The following LRCH1 variants were observed in gnomAD, a reference collection of about 807,000 sequenced individuals.
LRCH1 encodes the protein leucine-rich repeat and calponin homology domain-containing protein 1.
In LRCH1, 23 loss-of-function variants were observed where a neutral mutation model predicts 94.9. The observed-to-expected ratio is 0.24, with a 90% CI of 0.17 to 0.34. The LOEUF is 0.34. Ranked by LOEUF, LRCH1 falls within the 10% of genes least tolerant of loss-of-function variation. The pLI, the probability that LRCH1 is intolerant of heterozygous loss-of-function variation, is 1.00. For synonymous variants in LRCH1, 364 were observed against 354.9 expected (o/e 1.03, Z -0.29); for missense variants, 790 against 945.9 (o/e 0.84, Z 2.16).
Position 46,729,003 on chromosome 13 carries a change from AAACT to A in LRCH1, c.2007+24_2007+27del, listed in dbSNP as rs772748869. 6.2e-6 allele frequency: 10 copies of A among 1,607,836 alleles called. No homozygotes were observed. Among genetic ancestry groups the A allele is most frequent in the South Asian group, 3.3e-5 (3 of 89,878 alleles). ...AGCGGTTGTAAGTAACACCAAAGGG[AAACT>A]AACTGACATAAAACAGACCTTTAGG... is the stretch of plus-strand genomic sequence containing the variant. On this transcript the variant is annotated intron_variant, in intron 18 of 19. Coordinates refer to ENST00000389797, the MANE Select transcript of LRCH1 (RefSeq NM_001164211.2).
In LRCH1 at chr13:46,553,171, C is replaced by T; in HGVS notation, c.-226C>T. 1 of 568,860 alleles carries T rather than the reference C, an allele frequency of 1.8e-6. No homozygotes were observed. The highest frequency in any genetic ancestry group is 3.0e-6 in the Non-Finnish European group (1 of 328,288). The allele number at this position is 568,860 out of a possible 1,614,324, so 35.2% of individuals were successfully genotyped here. A position where few individuals can be genotyped will look rare whatever the true frequency, so the allele number is the denominator to read the frequency against. ...GCTGCCGCCGCCGCCGCCGCCGCCG[C>T]AGTCCTTAGCTTCCCGGGGACAGGA... is the stretch of plus-strand genomic sequence containing the variant. On this transcript the variant is annotated 5_prime_UTR_variant, in exon 1 of 20. Transcript: ENST00000389797.
At chr13:46,658,059 A>G (rs2051399237) in intron 2 of LRCH1, among the ~76,000 whole-genome samples, 1 of 152,194 alleles carries the variant, frequency 6.6e-6, no homozygotes, top group South Asian at 2.1e-4. Flanking sequence ...ATTGCATTTC[A>G]TGCCCCTTAA....
chr13:46,742,725 A>C lies in LRCH1; in HGVS notation c.*877A>C. 1 of 985,478 alleles carries C rather than the reference A, an allele frequency of 1.0e-6. No homozygotes were observed. The highest frequency in any genetic ancestry group is 1.2e-6 in the Non-Finnish European group (1 of 829,942). The allele number at this position is 985,478 out of a possible 1,614,324, so 61.0% of individuals were successfully genotyped here. A position where few individuals can be genotyped will look rare whatever the true frequency, so the allele number is the denominator to read the frequency against. On this transcript the variant is annotated 3_prime_UTR_variant, in exon 20 of 20. Transcript: ENST00000389797. The stretch of plus-strand genomic sequence containing the variant: ...CACATCACATAGTAACTGCCGGTCC[A>C]GAATGTGACGGATTCGACTCTATTC...
At chr13:46,670,526 T>C (rs2051584019) in intron 3 of LRCH1, among the ~76,000 whole-genome samples, 1 of 152,190 alleles carries the variant, frequency 6.6e-6, no homozygotes, top group Non-Finnish European at 1.5e-5. Flanking sequence ...TCTGGTCTGA[T>C]GTTCTCGCCG....
chr13:46,716,424 C>G (rs1872325367), intron 16 of LRCH1, among the ~76,000 whole-genome samples: 1 of 152,200 alleles, frequency 6.6e-6, no homozygotes, highest in Non-Finnish European at 1.5e-5. Context: ...TCATCCTAGT[C>G]TCTGAAATAT....
Position 46,598,406 on chromosome 13 carries a change from G to A in LRCH1, c.307+44703G>A, listed in dbSNP as rs965929946. ...GGAACTTGCTTGTCTCGGGGGAAAAGACGCTTGCAGATTTATAGAAATTTT... is the reference window on the plus strand; with the variant it reads ...GGAACTTGCTTGTCTCGGGGGAAAAAACGCTTGCAGATTTATAGAAATTTT... On this transcript the variant is annotated intron_variant, in intron 1 of 19. Transcript: ENST00000389797. 3.9e-5 allele frequency among the ~76,000 whole-genome samples: 6 copies of A among 152,050 alleles called. No individual in the cohort carries two copies. The South Asian group carries it at 6.3e-4, about 16-fold the overall frequency.
At chr13:46,744,940 G>A (rs1281841843), downstream of LRCH1, 1 of 976,240 alleles carries the variant, frequency 1.0e-6, no homozygotes, top group African/African-American at 1.8e-5. Flanking sequence ...TCAGAGTCTA[G>A]TTGCCTGGCT....
chr13:46,636,059 C>CTTTTT (rs34118906), intron 1 of LRCH1, among the ~76,000 whole-genome samples: 4 of 73,586 alleles, frequency 5.4e-5, no homozygotes, highest in African/African-American at 1.1e-4. Context: ...CCATGTCAAC[C>CTTTTT]TTTTTTTTTT....
At chr13:46,604,116 C>G (rs768609335) in intron 1 of LRCH1, among the ~76,000 whole-genome samples, 13 of 152,148 alleles carry the variant, frequency 8.5e-5, no homozygotes, top group Non-Finnish European at 5.9e-5. Context: ...ACAAGACACC[C>G]AGTTAAATGT....
intron 1 of LRCH1, among the ~76,000 whole-genome samples, chr13:46,635,673 A>T (rs1057247660): frequency 2.0e-5 from 3 of 151,436 alleles, no homozygotes; most frequent in African/African-American, 7.3e-5. Flanking sequence ...GGGTTTCAGC[A>T]TGTTAGCCAG....
Position 46,743,741 on chromosome 13 carries a change from A to T in LRCH1, c.*1893A>T. On this transcript the variant is annotated 3_prime_UTR_variant, in exon 20 of 20. Coordinates refer to ENST00000389797, the MANE Select transcript of LRCH1 (RefSeq NM_001164211.2). ...TTTCTGGGGAGAAAATGGGAAAAAA[A>T]AAAAGAAAACTTACTGGGTTGCCAC... The T allele has an allele frequency of 3.0e-6, 3 of 985,374 alleles. No homozygotes were observed. The highest frequency in any genetic ancestry group is 3.6e-6 in the Non-Finnish European group (3 of 829,890). 61.0% of individuals were successfully genotyped at this position (985,374 alleles called of 1,614,324 possible). A position where few individuals can be genotyped will look rare whatever the true frequency, so the allele number is the denominator to read the frequency against.
At chr13:46,715,839 G>A in intron 16 of LRCH1, among the ~76,000 whole-genome samples, 175 bp downstream of exon 16, 1 of 152,086 alleles carries the variant, frequency 6.6e-6, no homozygotes, top group Admixed American at 6.5e-5. Context: ...TTGTTCTCTA[G>A]CAGTTTGTCA....
At chr13:46,615,280 G>A (rs1459497615) in intron 1 of LRCH1, among the ~76,000 whole-genome samples, 3 of 152,208 alleles carry the variant, frequency 2.0e-5, no homozygotes, top group African/African-American at 7.2e-5. Flanking sequence ...AGAAGGCTAA[G>A]GGGGAGCAGG....
intron 1 of LRCH1, among the ~76,000 whole-genome samples, chr13:46,643,640 A>G (rs2051186281): frequency 6.6e-6 from 1 of 152,162 alleles, no homozygotes; most frequent in Non-Finnish European, 1.5e-5. Context: ...GCTCTCAAAG[A>G]CACACTATGA....
rs376507630 is a variant in LRCH1 at position 46,724,125 on chromosome 13, A to T, written c.1869+795A>T. Among the ~76,000 whole-genome samples, 307 of 152,150 alleles carry T rather than the reference A, an allele frequency of 2.0e-3. 1 individual carries two copies. The highest frequency in any genetic ancestry group is 7.1e-3 in the African/African-American group (293 of 41,500). On this transcript the variant is annotated intron_variant, in intron 17 of 19. Transcript: ENST00000389797. ...CACCTCAGCCTCCTGAGTAATTGAG[A>T]TTACAGGTGTGCACCACCACACTCA...
Position 46,636,059 on chromosome 13 carries a change from C to CTT in LRCH1, c.308-14115_308-14114dup, listed in dbSNP as rs34118906. Among the ~76,000 whole-genome samples the CTT allele has an allele frequency of 9.5e-4, 70 of 73,592 alleles. 4 individuals are homozygous for CTT. The highest frequency in any genetic ancestry group is 1.9e-3 in the South Asian group (3 of 1,556). The allele number at this position is 73,592 out of a possible 152,430, so 48.3% of individuals were successfully genotyped here. ...ACAACATCCAACTTACCATGTCAAC[C>CTT]TTTTTTTTTTTTTTTTTTTTTTTTT... On this transcript the variant is annotated intron_variant, in intron 1 of 19. Transcript: ENST00000389797.
At chr13:46,678,720 G>A (rs972702853) in intron 3 of LRCH1, among the ~76,000 whole-genome samples, 10 of 152,216 alleles carry the variant, frequency 6.6e-5, no homozygotes, top group African/African-American at 2.4e-4. Context: ...ATCGCTAGGG[G>A]GAGTTGATTT....
rs570396489 is a variant in LRCH1 at position 46,615,410 on chromosome 13, A to G, written c.308-34791A>G. Among the ~76,000 whole-genome samples, 4 of 152,198 alleles carry G rather than the reference A, an allele frequency of 2.6e-5. No homozygotes were observed. In the East Asian group the frequency reaches 5.8e-4, roughly 22 times the overall value. On this transcript the variant is annotated intron_variant, in intron 1 of 19. Coordinates refer to ENST00000389797, the MANE Select transcript of LRCH1 (RefSeq NM_001164211.2). ...ACTCACTTGCTATGGCAAGGACAGG[A>G]CCAAGCCATTCATGAGTGATCCGTC...
intron 1 of LRCH1, among the ~76,000 whole-genome samples, chr13:46,637,325 C>T (rs959300859): frequency 1.3e-5 from 2 of 152,216 alleles, no homozygotes; most frequent in Non-Finnish European, 1.5e-5. Context: ...AGATTCCAAA[C>T]ACAAATCTAG....
Sources: allele counts gnomAD v4.1 joint callset (sites outside exome capture counted in the v4.1 genomes callset), GRCh38; gene constraint gnomAD v4.1.1; transcripts MANE v1.5; gene names NCBI Gene and HGNC (gene_info 2026-07-23, HGNC 2026-07-21).